Variants in TDRKH observed in about 807,000 individuals in gnomAD.
TDRKH encodes the protein tudor and KH domain-containing protein.
A neutral mutation model predicts 61.3 loss-of-function variants in TDRKH; 28 were observed. The observed-to-expected ratio is 0.46, with a 90% CI of 0.34 to 0.63. TDRKH has a LOEUF of 0.63. TDRKH is among the 20% of genes least tolerant of loss of function. TDRKH has a pLI of 0.01. For missense variants in TDRKH, 540 were observed against 683.4 expected (o/e 0.79, Z 2.34); for synonymous variants, 219 against 244.4 (o/e 0.90, Z 0.97).
rs1174655928 is a variant in TDRKH at position 151,790,396 on chromosome 1, C to T, written c.-44G>A. On this transcript the variant is annotated 5_prime_UTR_variant, in exon 1 of 13. Coordinates refer to ENST00000368824, the MANE Select transcript of TDRKH (RefSeq NM_001083965.2). ...TCCCCAAACCTTCGGTCTCCATCCT[C>T]GCCTTTACCGCTGCTCCAGTCAGCC... 6.5e-6 allele frequency: 1 copy of T among 153,054 alleles called. No individual in the cohort carries two copies. Among genetic ancestry groups the T allele is most frequent in the Non-Finnish European group, 1.5e-5 (1 of 68,662 alleles). The allele number at this position is 153,054 out of a possible 1,614,324, so 9.5% of individuals were successfully genotyped here. A position where few individuals can be genotyped will look rare whatever the true frequency, so the allele number is the denominator to read the frequency against.
intron 11 of TDRKH, 110 bp downstream of exon 11, chr1:151,774,955 G>A (rs939129557): frequency 7.3e-7 from 1 of 1,361,954 alleles, no homozygotes; most frequent in African/African-American, 1.4e-5. Flanking sequence ...AACTACTGGA[G>A]GAGCTCAAAG....
chr1:151,773,225 G>A (rs573093974), downstream of TDRKH, among the ~76,000 whole-genome samples: 4 of 152,060 alleles, frequency 2.6e-5, no homozygotes, highest in South Asian at 6.2e-4. Context: ...TGTATTTTTA[G>A]TAGAGACAGG....
At chr1:151,780,736 G>C (rs1649672268) in intron 3 of TDRKH, among the ~76,000 whole-genome samples, 1 of 151,626 alleles carries the variant, frequency 6.6e-6, no homozygotes, top group South Asian at 2.1e-4. Flanking sequence ...TGTAGTCCCA[G>C]CTACTTGGGA....
downstream of TDRKH, chr1:151,768,362 G>A: frequency 9.6e-6 from 13 of 1,354,382 alleles, no homozygotes; most frequent in Non-Finnish European, 1.3e-5. Context: ...ATGCAGACAA[G>A]CCTGTGAGCT....
At chr1:151,769,799 G>C (rs1032376674), downstream of TDRKH, among the ~76,000 whole-genome samples, 11 of 152,238 alleles carry the variant, frequency 7.2e-5, no homozygotes, top group African/African-American at 2.7e-4. Flanking sequence ...AGCACTGAGT[G>C]AACGAGGCTC....
downstream of TDRKH, chr1:151,768,040 T>A: frequency 6.2e-7 from 1 of 1,613,504 alleles, no homozygotes; most frequent in Non-Finnish European, 8.5e-7. Flanking sequence ...TAGAGGAGCA[T>A]TTTTACTCCT....
intron 1 of TDRKH, among the ~76,000 whole-genome samples, chr1:151,788,915 G>A (rs1650612463): frequency 1.3e-5 from 2 of 152,202 alleles, no homozygotes; most frequent in African/African-American, 4.8e-5. Flanking sequence ...CACATGCCAT[G>A]CTTGTCATTC....
At chr1:151,770,380 T>G (rs1417234806), downstream of TDRKH, 13 of 1,379,372 alleles carry the variant, frequency 9.4e-6, no homozygotes, top group Non-Finnish European at 1.3e-5. Context: ...AGGGATTCTT[T>G]TCTTCCCACC....
At chr1:151,766,903 C>A, downstream of TDRKH, 1 of 1,581,456 alleles carries the variant, frequency 6.3e-7, no homozygotes, top group Non-Finnish European at 8.7e-7. Context: ...TTGTTTTCAT[C>A]TCTATTTGTA....
chr1:151,774,714 T>G lies in TDRKH; in HGVS notation c.1629A>C (p.Leu543Phe). ...EITHTLSCLSLSEAASMSGDD... is the reference protein window; with the variant it reads ...EITHTLSCLSFSEAASMSGDD... ...GGGAGGAAATACTGCTTGTACCTGA[T>G]AAGCTGAGGCAGGACAGGGTATGTG... Residue 543 changes from leucine (L) to phenylalanine (F), a missense_variant, in exon 12 of 13, where the codon TTA (leucine) becomes TTC (phenylalanine). By Grantham distance (22) the Leu-to-Phe change is conservative (BLOSUM62 0). This residue lies in a region of TDRKH where 379 missense variants were observed against 443.8 expected (regional missense o/e 0.85). Coordinates refer to ENST00000368824, the MANE Select transcript of TDRKH (RefSeq NM_001083965.2). The G allele has an allele frequency of 6.2e-7, 1 of 1,614,092 alleles. No individual in the cohort carries two copies. Among genetic ancestry groups the G allele is most frequent in the Non-Finnish European group, 8.5e-7 (1 of 1,179,974 alleles).
At chr1:151,787,959 C>G (rs1404511617) in intron 1 of TDRKH, among the ~76,000 whole-genome samples, 1 of 151,904 alleles carries the variant, frequency 6.6e-6, no homozygotes, top group Non-Finnish European at 1.5e-5. Flanking sequence ...GCACTCCACC[C>G]TGGGCAACAG....
Position 151,773,918 on chromosome 1 carries a change from T to TCTCGGTGG in TDRKH, c.*533_*534insCCACCGAG. The TCTCGGTGG allele has an allele frequency of 1.3e-5, 2 of 152,474 alleles. No homozygotes were observed. The highest frequency in any genetic ancestry group is 2.9e-5 in the Non-Finnish European group (2 of 68,192). 9.4% of individuals were successfully genotyped at this position (152,474 alleles called of 1,614,324 possible). A position where few individuals can be genotyped will look rare whatever the true frequency, so the allele number is the denominator to read the frequency against. The stretch of plus-strand genomic sequence containing the variant: ...CTTCCAATGACGAAAGCCTGACTGT[T>TCTCGGTGG]TCCCAGCCTCAAAAAGGATACAGCC... On this transcript the variant is annotated 3_prime_UTR_variant, in exon 13 of 13. Coordinates refer to ENST00000368824, the MANE Select transcript of TDRKH (RefSeq NM_001083965.2).
downstream of TDRKH, among the ~76,000 whole-genome samples, chr1:151,768,735 A>G (rs1193866349): frequency 6.6e-6 from 1 of 151,882 alleles, no homozygotes; most frequent in Non-Finnish European, 1.5e-5. Context: ...GCAGGGTCAT[A>G]GGACAATAGT....
intron 6 of TDRKH, 44 bp from the exon 7 acceptor site, chr1:151,776,643 T>C: frequency 6.2e-7 from 1 of 1,601,928 alleles, no homozygotes; most frequent in African/African-American, 1.3e-5. Context: ...GACCCATCTC[T>C]GGTTGGAATG....
At chr1:151,772,494 TA>T (rs1558135034), downstream of TDRKH, among the ~76,000 whole-genome samples, 1 of 151,826 alleles carries the variant, frequency 6.6e-6, no homozygotes, top group Non-Finnish European at 1.5e-5. Flanking sequence ...TCCCTAAATT[TA>T]AAAAAAAGAC....
downstream of TDRKH, chr1:151,766,810 C>A (rs1648374569): frequency 6.2e-7 from 1 of 1,605,758 alleles, no homozygotes; most frequent in South Asian, 1.1e-5. Flanking sequence ...CCGATCTGGT[C>A]ACCATACGCC....
chr1:151,785,610 C>T (rs1334955424), intron 1 of TDRKH, among the ~76,000 whole-genome samples: 1 of 151,974 alleles, frequency 6.6e-6, no homozygotes, highest in Non-Finnish European at 1.5e-5. Context: ...AATATTAATC[C>T]CATAGAAGAG....
At chr1:151,770,311 C>CT, downstream of TDRKH, 1 of 1,581,380 alleles carries the variant, frequency 6.3e-7, no homozygotes, top group Non-Finnish European at 8.6e-7. Flanking sequence ...TGGATAACTC[C>CT]TTTTCCTTTA....
downstream of TDRKH, chr1:151,766,972 C>T (rs2101552770): frequency 1.4e-6 from 2 of 1,403,840 alleles, no homozygotes; most frequent in South Asian, 2.6e-5. Flanking sequence ...TCCCAAATGG[C>T]AAGAAATAAC....
Sources: allele counts gnomAD v4.1 joint callset (sites outside exome capture counted in the v4.1 genomes callset), GRCh38; gene constraint gnomAD v4.1.1; regional missense constraint gnomAD v4.1.1; transcripts MANE v1.5; gene names NCBI Gene and HGNC (gene_info 2026-07-23, HGNC 2026-07-21).